MEI4: variants seen among roughly 807,000 people sequenced by gnomAD.
The protein encoded by MEI4 is meiotic double-stranded break formation protein 4.
Under a neutral mutation model 31.4 loss-of-function variants are expected in MEI4, and 27 were observed. That is an observed-to-expected ratio of 0.86 (90% CI 0.63 to 1.19). The LOEUF (loss-of-function observed/expected upper bound fraction) is 1.19. Among genes scored for constraint, MEI4 ranks in the 50% most tolerant of loss-of-function variants. The pLI is 0.00. For synonymous variants in MEI4, 122 were observed against 145.4 expected, an observed-to-expected ratio of 0.84 and a Z score of 1.16; for missense variants, 329 against 398.9, an observed-to-expected ratio of 0.82 and a Z score of 1.49.
chr6:77,762,854 A>G (rs1210211444), intron 3 of MEI4, among the ~76,000 whole-genome samples: 2 of 152,224 alleles, frequency 1.3e-5, no homozygotes, highest in African/African-American at 4.8e-5. Flanking sequence ...GGAATTAAAT[A>G]TCAGATTTGC....
chr6:77,710,923 C>T (rs577270203), intron 2 of MEI4, among the ~76,000 whole-genome samples: 1 of 152,194 alleles, frequency 6.6e-6, no homozygotes, highest in Non-Finnish European at 1.5e-5. Context: ...CATTATTCAT[C>T]TCACTTAATT....
intron 3 of MEI4, among the ~76,000 whole-genome samples, chr6:77,783,562 T>C (rs894827498): frequency 2.0e-5 from 3 of 152,194 alleles, no homozygotes; most frequent in African/African-American, 7.2e-5. Context: ...CTTAGTTTAC[T>C]TCATCAAAAG....
chr6:77,759,898 T>G (rs1768004867), intron 2 of MEI4, among the ~76,000 whole-genome samples: 1 of 152,182 alleles, frequency 6.6e-6, no homozygotes, highest in Non-Finnish European at 1.5e-5. Flanking sequence ...CAACTTTCAG[T>G]GCCTCATTCC....
chr6:77,696,265 C>T (rs534227235), intron 2 of MEI4, among the ~76,000 whole-genome samples: 4 of 152,218 alleles, frequency 2.6e-5, no homozygotes, highest in African/African-American at 9.6e-5. Flanking sequence ...TTTCCTTCTC[C>T]TGCCTGATTG....
chr6:77,668,686 T>C (rs1429061506), intron 1 of MEI4, among the ~76,000 whole-genome samples: 4 of 152,172 alleles, frequency 2.6e-5, no homozygotes, highest in Non-Finnish European at 5.9e-5. Flanking sequence ...GCAGAGATGA[T>C]AAAAGGTACA....
At chr6:77,849,658 A>G (rs921347404) in intron 4 of MEI4, among the ~76,000 whole-genome samples, 1 of 152,268 alleles carries the variant, frequency 6.6e-6, no homozygotes, top group Admixed American at 6.5e-5. Flanking sequence ...TTGAAGAAAA[A>G]CCGATTCTTT....
In MEI4 at chr6:77,925,714, T is replaced by C; in HGVS notation, c.*2368T>C. On this transcript the variant is annotated 3_prime_UTR_variant, in exon 5 of 5. Coordinates refer to ENST00000684080, the MANE Select transcript of MEI4 (RefSeq NM_001322247.2). ...TCATAAAAATGAAGCAAATAAAAAG[T>C]GATGATAATTGCTATAACTCTTATA... 1 of 150,042 alleles carries C rather than the reference T, an allele frequency of 6.7e-6. No homozygotes were observed. The highest frequency in any genetic ancestry group is 2.0e-4 in the East Asian group (1 of 5,112). The allele number at this position is 150,042 out of a possible 1,614,324, so 9.3% of individuals were successfully genotyped here.
At chr6:77,789,148 A>G (rs1454718420) in intron 3 of MEI4, among the ~76,000 whole-genome samples, 1 of 152,226 alleles carries the variant, frequency 6.6e-6, no homozygotes, top group Non-Finnish European at 1.5e-5. Flanking sequence ...AAAATGAGCA[A>G]TGGGGAAAGG....
chr6:77,803,645 G>C (rs1769340709), intron 3 of MEI4, among the ~76,000 whole-genome samples: 1 of 152,114 alleles, frequency 6.6e-6, no homozygotes, highest in South Asian at 2.1e-4. Context: ...TACAGATGGT[G>C]TTTTGGTGTG....
intron 1 of MEI4, among the ~76,000 whole-genome samples, chr6:77,678,721 T>TA (rs61348137): frequency 0.26 from 39,285 of 149,622 alleles, 6,644 homozygotes; most frequent in African/African-American, 0.47. Context: ...TTCTACTTAT[T>TA]AAAAAAAAAA....
At chr6:77,691,098 G>T (rs1438921932) in intron 2 of MEI4, among the ~76,000 whole-genome samples, 195 bp downstream of exon 2, 1 of 151,938 alleles carries the variant, frequency 6.6e-6, no homozygotes, top group African/African-American at 2.4e-5. Flanking sequence ...TTTGACTTTG[G>T]AATGAAGTTA....
At chr6:77,728,119 T>C (rs923529670) in intron 2 of MEI4, among the ~76,000 whole-genome samples, 1 of 145,694 alleles carries the variant, frequency 6.9e-6, no homozygotes, top group African/African-American at 2.4e-5. Flanking sequence ...AGGTGTGATA[T>C]AGTAAACATT....
intron 3 of MEI4, among the ~76,000 whole-genome samples, chr6:77,826,001 A>G (rs1214220856): frequency 6.6e-6 from 1 of 152,192 alleles, no homozygotes; most frequent in African/African-American, 2.4e-5. Flanking sequence ...GGCTGGGAAT[A>G]TAAATTCCCT....
chr6:77,663,865 C>T (rs1368571901), intron 1 of MEI4, among the ~76,000 whole-genome samples: 1 of 152,188 alleles, frequency 6.6e-6, no homozygotes, highest in South Asian at 2.1e-4. Flanking sequence ...GTCAGAGAGC[C>T]TTGGGCCAGA....
rs567530501 is a variant in MEI4 at position 77,792,419 on chromosome 6, A to C, written c.768+30754A>C. Among the ~76,000 whole-genome samples the C allele has an allele frequency of 1.4e-4, 21 of 152,262 alleles. 1 individual carries two copies. The South Asian group carries it at 4.3e-3, about 32-fold the overall frequency. On this transcript the variant is annotated intron_variant, in intron 3 of 4. Transcript: ENST00000684080. ...AATGACAGTACTGATTTACACTCAC[A>C]CCAGCAGTGTACAAGGGTTTCATTT...
At chr6:77,864,069 T>A (rs2127722309) in intron 4 of MEI4, among the ~76,000 whole-genome samples, 1 of 152,038 alleles carries the variant, frequency 6.6e-6, no homozygotes, top group East Asian at 1.9e-4. Context: ...CTAAAAGAGC[T>A]CCTGAAGGAA....
intron 2 of MEI4, among the ~76,000 whole-genome samples, chr6:77,733,680 C>T (rs59374715): frequency 0.19 from 29,054 of 151,266 alleles, 3,844 homozygotes; most frequent in East Asian, 0.39. Context: ...CTTTTGAATA[C>T]GTTTGCTCTT....
intron 2 of MEI4, among the ~76,000 whole-genome samples, chr6:77,713,182 T>A (rs961688232): frequency 3.9e-5 from 6 of 152,254 alleles, no homozygotes; most frequent in South Asian, 4.2e-4. Context: ...CACACTCTCC[T>A]GTTCTGAAAA....
chr6:77,857,278 A>G (rs964026017), intron 4 of MEI4, among the ~76,000 whole-genome samples: 7 of 152,138 alleles, frequency 4.6e-5, no homozygotes, highest in African/African-American at 1.7e-4. Flanking sequence ...AAAAATATGG[A>G]TCTAATTTAA....
Sources: allele counts gnomAD v4.1 joint callset (sites outside exome capture counted in the v4.1 genomes callset), GRCh38; gene constraint gnomAD v4.1.1; transcripts MANE v1.5; gene names NCBI Gene and HGNC (gene_info 2026-07-23, HGNC 2026-07-21).